ZFP41: variants seen among roughly 807,000 people sequenced by gnomAD.
ZFP41 encodes the protein ZFP41 zinc finger protein, also known as zinc finger protein 41 homolog.
ZFP41 carries 10 observed loss-of-function variants against 11.6 expected under a neutral mutation model. That is an observed-to-expected ratio of 0.86 (90% CI 0.53 to 1.47). The LOEUF (loss-of-function observed/expected upper bound fraction) is 1.47, where lower values mean the gene tolerates loss of function less well. ZFP41 is among the 40% of genes most tolerant of loss of function. The probability of loss-of-function intolerance (pLI) is 0.00; values close to 1 mark genes in which losing one functional copy is unlikely to be tolerated. For synonymous variants in ZFP41, 123 were observed against 100.9 expected, an observed-to-expected ratio of 1.22 and a Z score of -1.31; for missense variants, 302 against 264.6, an observed-to-expected ratio of 1.14 and a Z score of -0.98.
intron 2 of ZFP41, among the ~76,000 whole-genome samples, chr8:143,257,887 G>T (rs1351328873): frequency 6.6e-6 from 1 of 152,248 alleles, no homozygotes; most frequent in Non-Finnish European, 1.5e-5. Context: ...TGCTTTGCAC[G>T]TGAGTTCAAG....
At position 143,259,445 on chromosome 8, in the gene ZFP41, C is replaced by T. The variant is rs546255199; in HGVS notation, c.*901-330C>T. 6.6e-5 allele frequency among the ~76,000 whole-genome samples: 10 copies of T among 152,288 alleles called. 1 individual carries two copies. In the South Asian group the frequency reaches 1.2e-3, roughly 19 times the overall value. ...GGGTGAGTGAGCATTTGCTCTAGCG[C>T]GGTTAAAGGATCATGTCATGTACAC... On this transcript the variant is annotated intron_variant, in intron 2 of 2. Transcript: ENST00000330701.
chr8:143,255,980 A>T (rs1402339566), intron 2 of ZFP41, among the ~76,000 whole-genome samples: 71 of 28,366 alleles, frequency 2.5e-3, no homozygotes, highest in Admixed American at 3.0e-3. Context: ...CGCGTGCTAG[A>T]GTTAGTGAGA....
intron 2 of ZFP41, among the ~76,000 whole-genome samples, chr8:143,255,154 T>C (rs1429632184): frequency 6.6e-6 from 1 of 152,142 alleles, no homozygotes; most frequent in African/African-American, 2.4e-5. Flanking sequence ...CACACTTTAA[T>C]CTGATGTCTT....
In ZFP41 at chr8:143,251,860, C is replaced by T. The variant is rs187166770; in HGVS notation, c.*900+520C>T. 4.6e-5 allele frequency among the ~76,000 whole-genome samples: 7 copies of T among 152,358 alleles called. No homozygotes were observed. In the East Asian group the frequency reaches 1.4e-3, roughly 29 times the overall value. ...GCCTTTCGGCAGGCCTCCCCTCCCA[C>T]TGGGAGGATGCTTCAGTCCCTCTGC... On this transcript the variant is annotated intron_variant, in intron 2 of 2. Coordinates refer to ENST00000330701, the MANE Select transcript of ZFP41 (RefSeq NM_173832.6).
At chr8:143,251,737 A>G (rs770490054) in intron 2 of ZFP41, among the ~76,000 whole-genome samples, 46 of 152,032 alleles carry the variant, frequency 3.0e-4, no homozygotes, top group Non-Finnish European at 6.0e-4. Context: ...GGGTTAACAC[A>G]TTTTTCCTGC....
chr8:143,250,147 C>G lies in ZFP41; in HGVS notation c.304C>G (p.His102Asp), dbSNP rs1381706425. The G allele has an allele frequency of 6.2e-7, 1 of 1,614,144 alleles. No individual in the cohort carries two copies. Among genetic ancestry groups the G allele is most frequent in the Admixed American group, 1.7e-5 (1 of 60,026 alleles). ...GCGGATCTTTAAGCACAAGACAGACCACATTCGCCATCAGAGGGTCCACAC... is the reference window on the plus strand; with the variant it reads ...GCGGATCTTTAAGCACAAGACAGACGACATTCGCCATCAGAGGGTCCACAC... Reference protein sequence around the residue: ...CGRIFKHKTDHIRHQRVHTGE... With the variant: ...CGRIFKHKTDDIRHQRVHTGE... Residue 102 changes from histidine (H) to aspartate (D), a missense_variant, in exon 2 of 3, where the codon CAC becomes GAC. Physicochemically the swap from His to Asp is moderately conservative, Grantham distance 81. Coordinates refer to ENST00000330701, the MANE Select transcript of ZFP41 (RefSeq NM_173832.6).
intron 1 of ZFP41, chr8:143,247,550 A>T (rs1052275669): frequency 2.0e-5 from 3 of 152,284 alleles, no homozygotes; most frequent in African/African-American, 7.2e-5. Context: ...CGCCAGGGTG[A>T]GTGAGGTTTT....
At chr8:143,253,385 G>A (rs917451205) in intron 2 of ZFP41, 4 of 152,250 alleles carry the variant, frequency 2.6e-5, no homozygotes, top group African/African-American at 9.7e-5. Context: ...TGAAGGGTCA[G>A]GCAGGAAATA....
intron 2 of ZFP41, among the ~76,000 whole-genome samples, chr8:143,258,639 A>G (rs1814966922): frequency 6.6e-6 from 1 of 152,246 alleles, no homozygotes; most frequent in Admixed American, 6.5e-5. Context: ...TTAAAGACAA[A>G]TATCTAAATA....
intron 1 of ZFP41, chr8:143,248,252 C>G (rs183144175): frequency 2.9e-4 from 44 of 152,372 alleles, no homozygotes; most frequent in Admixed American, 2.6e-3. Context: ...AGAATGTTCC[C>G]TGACCACAGT....
intron 1 of ZFP41, 74 bp from the exon 2 acceptor site, chr8:143,249,616 G>A: frequency 1.8e-6 from 1 of 571,290 alleles, no homozygotes; most frequent in Non-Finnish European, 2.8e-6. Context: ...GGGAAGGGAG[G>A]GGCCGCACCT....
chr8:143,249,950 C>A lies in ZFP41; in HGVS notation c.107C>A (p.Pro36Gln), dbSNP rs764809541. ...REEKVSGDRK[P>Q]PERPTVPRKP... Reference sequence around the variant, plus strand: ...GAGAAGGTGTCCGGGGACAGAAAGCCACCTGAGAGGCCCACTGTGCCCAGG... The same window carrying A: ...GAGAAGGTGTCCGGGGACAGAAAGCAACCTGAGAGGCCCACTGTGCCCAGG... Residue 36 changes from proline to glutamine, a missense_variant, in exon 2 of 3, where the codon CCA (proline) becomes CAA (glutamine). Coordinates refer to ENST00000330701, the MANE Select transcript of ZFP41 (RefSeq NM_173832.6). 6.2e-7 allele frequency: 1 copy of A among 1,614,038 alleles called. No homozygotes were observed. The highest frequency in any genetic ancestry group is 1.1e-5 in the South Asian group (1 of 91,086).
chr8:143,254,277 C>T (rs1156387641), intron 2 of ZFP41, among the ~76,000 whole-genome samples: 1 of 152,244 alleles, frequency 6.6e-6, no homozygotes, highest in Non-Finnish European at 1.5e-5. Context: ...TACCCAGCCT[C>T]GGGTGTTCCT....
At chr8:143,252,789 A>T in intron 2 of ZFP41, 6 of 183,932 alleles carry the variant, frequency 3.3e-5, no homozygotes, top group African/African-American at 4.8e-5. Context: ...CATGGGGGTG[A>T]GGGGGTGAGG....
intron 2 of ZFP41, chr8:143,252,611 G>T (rs555051273): frequency 4.1e-6 from 4 of 984,716 alleles, no homozygotes; most frequent in East Asian, 1.1e-4. Context: ...CACGGCCTTC[G>T]TGGCTTCTCA....
chr8:143,256,727 AT>A lies in ZFP41; in HGVS notation c.*901-3041del, dbSNP rs561005327. Among the ~76,000 whole-genome samples the A allele has an allele frequency of 1.6e-3, 237 of 152,132 alleles. 2 individuals carry two copies. The highest frequency in any genetic ancestry group is 5.5e-3 in the African/African-American group (226 of 41,406). ...ACCCTGTCTCAAAAATAAAAGATAC[AT>A]TTTTTTAAATCCACTTGGAAATTTT... On this transcript the variant is annotated intron_variant, in intron 2 of 2. Transcript: ENST00000330701.
intron 2 of ZFP41, among the ~76,000 whole-genome samples, chr8:143,255,688 G>A (rs1406967977): frequency 7.7e-6 from 1 of 130,390 alleles, no homozygotes. Context: ...AGTGAGATCA[G>A]GGCTCGCCCC....
chr8:143,252,876 T>G (rs1814808993), intron 2 of ZFP41: 1 of 152,686 alleles, frequency 6.5e-6, no homozygotes. Flanking sequence ...CGGCCAGTGT[T>G]GACCCCCACA....
At position 143,260,969 on chromosome 8, in the gene ZFP41, T is replaced by C. The variant is rs1216653150; in HGVS notation, c.*2095T>C. 1.3e-5 allele frequency: 2 copies of C among 152,536 alleles called. No individual in the cohort carries two copies. Among genetic ancestry groups the C allele is most frequent in the Non-Finnish European group, 2.9e-5 (2 of 68,310 alleles). 9.4% of individuals were successfully genotyped at this position (152,536 alleles called of 1,614,324 possible). On this transcript the variant is annotated 3_prime_UTR_variant, in exon 3 of 3. Transcript: ENST00000330701. ...CTATGCCAGCATCCATCCCTGCAGG[T>C]CCCATCCCTGAGCCATTTCTCAGGA... is the stretch of plus-strand genomic sequence containing the variant.
Sources: allele counts gnomAD v4.1 joint callset (sites outside exome capture counted in the v4.1 genomes callset), GRCh38; gene constraint gnomAD v4.1.1; transcripts MANE v1.5; gene names NCBI Gene and HGNC (gene_info 2026-07-23, HGNC 2026-07-21).